The following PTPRT variants were observed in gnomAD, a reference collection of about 807,000 sequenced individuals.
The protein encoded by PTPRT is receptor-type tyrosine-protein phosphatase T.
In PTPRT, 56 loss-of-function variants were observed where a neutral mutation model predicts 176.8. The ratio of observed to expected loss-of-function variants is 0.32; its 90% CI spans 0.26 to 0.40. The LOEUF (loss-of-function observed/expected upper bound fraction) is 0.40. Among genes scored for constraint, PTPRT ranks in the 10% least tolerant of loss-of-function variants. The probability of loss-of-function intolerance (pLI) is 1.00; values close to 1 mark genes in which losing one functional copy is unlikely to be tolerated. For synonymous variants in PTPRT, 783 were observed against 739.0 expected (o/e 1.06, Z -0.96); for missense variants, 1,540 against 1,908.2 (o/e 0.81, Z 3.60).
intron 1 of PTPRT, among the ~76,000 whole-genome samples, chr20:43,072,376 G>C (rs1167211508): frequency 1.3e-5 from 2 of 152,182 alleles, no homozygotes; most frequent in South Asian, 2.1e-4. Context: ...CCATGTAATT[G>C]CAAGTGCCAT....
chr20:42,990,317 G>A (rs6030589), intron 1 of PTPRT, among the ~76,000 whole-genome samples: 94 of 152,266 alleles, frequency 6.2e-4, no homozygotes, highest in African/African-American at 2.2e-3. Flanking sequence ...CTCTGATTTA[G>A]ATACTGCATT....
At chr20:42,428,049 T>C (rs1405852809) in intron 9 of PTPRT, among the ~76,000 whole-genome samples, 8 of 152,198 alleles carry the variant, frequency 5.3e-5, no homozygotes, top group African/African-American at 1.7e-4. Flanking sequence ...TAAACAGCCA[T>C]GTTGCTCACA....
chr20:42,614,968 G>A (rs1600475182), intron 7 of PTPRT, among the ~76,000 whole-genome samples: 2 of 147,124 alleles, frequency 1.4e-5, no homozygotes, highest in African/African-American at 5.1e-5. Context: ...TAAGTTTTAG[G>A]GTACATGTGC....
At chr20:42,341,989 A>G (rs1215800803) in intron 11 of PTPRT, among the ~76,000 whole-genome samples, 1 of 152,214 alleles carries the variant, frequency 6.6e-6, no homozygotes, top group Non-Finnish European at 1.5e-5. Context: ...TGGTGGAGGA[A>G]GGAGCCTTAT....
At chr20:42,980,201 AAAAG>A (rs572594160) in intron 1 of PTPRT, among the ~76,000 whole-genome samples, 5 of 152,208 alleles carry the variant, frequency 3.3e-5, no homozygotes, top group Non-Finnish European at 5.9e-5. Context: ...CTTTAAAAAG[AAAAG>A]AAAGGAGAAA....
At position 42,078,448 on chromosome 20, in the gene PTPRT, C is replaced by A. The variant is rs1400512702; in HGVS notation, c.*2431G>T. ...TGATCCATTGCATATTTAGTTCCAG[C>A]AACAAAACAATGAGCAGACAGACAA... On this transcript the variant is annotated 3_prime_UTR_variant, in exon 31 of 31. Transcript: ENST00000373187. 2 of 209,320 alleles carry A rather than the reference C, an allele frequency of 9.6e-6. No homozygotes were observed. Among genetic ancestry groups the A allele is most frequent in the African/African-American group, 2.3e-5 (1 of 43,874 alleles). 13.0% of individuals were successfully genotyped at this position (209,320 alleles called of 1,614,324 possible).
At chr20:43,150,288 T>C (rs1184314784) in intron 1 of PTPRT, among the ~76,000 whole-genome samples, 3 of 151,994 alleles carry the variant, frequency 2.0e-5, no homozygotes, top group Non-Finnish European at 2.9e-5. Flanking sequence ...AAAAAATAAA[T>C]AACACTCTCA....
chr20:42,932,318 C>T (rs1979908655), intron 1 of PTPRT, among the ~76,000 whole-genome samples: 2 of 152,238 alleles, frequency 1.3e-5, no homozygotes, highest in East Asian at 3.8e-4. Flanking sequence ...GGGGCATGTG[C>T]CTGGTCTAGA....
intron 7 of PTPRT, among the ~76,000 whole-genome samples, chr20:42,541,953 T>A (rs1399105124): frequency 6.6e-6 from 1 of 152,136 alleles, no homozygotes; most frequent in Non-Finnish European, 1.5e-5. Flanking sequence ...ATAATCCCCA[T>A]GTGTCATGGG....
chr20:42,272,077 C>T (rs1177723257), intron 13 of PTPRT, among the ~76,000 whole-genome samples: 24 of 152,168 alleles, frequency 1.6e-4, no homozygotes, highest in Non-Finnish European at 1.2e-4. Context: ...AATCTGGCCC[C>T]CCACTCCCTG....
chr20:42,047,966 AG>A, the PTPRT span, among the ~76,000 whole-genome samples: 4 of 152,084 alleles, frequency 2.6e-5, no homozygotes, highest in African/African-American at 4.8e-5. Flanking sequence ...TTGAAGGGTG[AG>A]GGTTGAGGGG....
chr20:42,505,778 G>T (rs1038868068), intron 7 of PTPRT, among the ~76,000 whole-genome samples: 1 of 152,188 alleles, frequency 6.6e-6, no homozygotes, highest in Non-Finnish European at 1.5e-5. Context: ...CTATCTCTCT[G>T]CTTGGTCTCC....
At chr20:42,923,185 C>T (rs1037012381) in intron 1 of PTPRT, among the ~76,000 whole-genome samples, 1 of 152,138 alleles carries the variant, frequency 6.6e-6, no homozygotes, top group African/African-American at 2.4e-5. Context: ...CCTAGCAATC[C>T]AGAACTTTAA....
intron 1 of PTPRT, among the ~76,000 whole-genome samples, chr20:43,063,968 C>G (rs1039097000): frequency 6.6e-6 from 1 of 151,962 alleles, no homozygotes; most frequent in Non-Finnish European, 1.5e-5. Flanking sequence ...TAGCATGGTA[C>G]GTTTATGATT....
intron 2 of PTPRT, among the ~76,000 whole-genome samples, chr20:42,858,030 C>G (rs892837378): frequency 6.6e-6 from 1 of 152,166 alleles, no homozygotes; most frequent in African/African-American, 2.4e-5. Flanking sequence ...ATCCTCAGTG[C>G]CTGGCATATT....
chr20:42,537,750 C>T (rs2072501852), intron 7 of PTPRT, among the ~76,000 whole-genome samples: 1 of 152,168 alleles, frequency 6.6e-6, no homozygotes, highest in Non-Finnish European at 1.5e-5. Context: ...GCATCACGGT[C>T]CAGCGAGAAA....
intron 6 of PTPRT, among the ~76,000 whole-genome samples, chr20:42,695,963 T>C (rs1347480236): frequency 2.0e-5 from 3 of 152,164 alleles, no homozygotes; most frequent in Non-Finnish European, 4.4e-5. Flanking sequence ...CTGTCATTCA[T>C]GGCCTTCAGT....
chr20:42,497,170 T>C (rs1233558460), intron 7 of PTPRT, among the ~76,000 whole-genome samples: 1 of 152,188 alleles, frequency 6.6e-6, no homozygotes, highest in Non-Finnish European at 1.5e-5. Context: ...GCTTAGCAGC[T>C]TTACAGATAA....
intron 1 of PTPRT, among the ~76,000 whole-genome samples, chr20:42,927,530 C>A (rs574359716): frequency 3.9e-5 from 6 of 152,034 alleles, no homozygotes; most frequent in Middle Eastern, 3.4e-3. Flanking sequence ...TCACTGCACT[C>A]CAGCCTGGGC....
Sources: gnomAD v4.1 joint callset for allele counts (sites outside exome capture counted in the v4.1 genomes callset) on GRCh38, gnomAD v4.1.1 for gene constraint, MANE v1.5 for transcripts, NCBI Gene and HGNC (gene_info 2026-07-23, HGNC 2026-07-21) for gene names.